Variants in ZMAT3 observed in about 807,000 individuals in gnomAD.
ZMAT3 encodes zinc finger matrin-type protein 3.
A neutral mutation model predicts 32.3 loss-of-function variants in ZMAT3; 17 were observed. That is an observed-to-expected ratio of 0.53 (90% CI 0.36 to 0.79). ZMAT3 has a LOEUF of 0.79. Ranked by LOEUF, ZMAT3 falls within the 30% of genes least tolerant of loss-of-function variation. The pLI is 0.00. For missense variants in ZMAT3, 329 were observed against 359.7 expected (o/e 0.91, Z 0.69); for synonymous variants, 120 against 133.1 (o/e 0.90, Z 0.68).
At chr3:179,034,900 A>G (rs1209196469) in intron 2 of ZMAT3, among the ~76,000 whole-genome samples, 1 of 152,220 alleles carries the variant, frequency 6.6e-6, no homozygotes, top group African/African-American at 2.4e-5. Flanking sequence ...CTCCATGGAT[A>G]CTACAAATAC....
intron 2 of ZMAT3, among the ~76,000 whole-genome samples, chr3:179,051,777 A>G (rs183200667): frequency 1.2e-4 from 18 of 152,356 alleles, no homozygotes; most frequent in East Asian, 1.2e-3. Context: ...ACTTCAAACT[A>G]TAGCATACGG....
At chr3:179,042,615 T>A (rs1720013717) in intron 2 of ZMAT3, among the ~76,000 whole-genome samples, 1 of 152,164 alleles carries the variant, frequency 6.6e-6, no homozygotes, top group Non-Finnish European at 1.5e-5. Context: ...ACAGCCAATA[T>A]CACACTGAAT....
intron 1 of ZMAT3, chr3:179,071,234 G>A (rs1329058015): frequency 2.0e-5 from 3 of 152,190 alleles, no homozygotes; most frequent in Non-Finnish European, 4.4e-5. Context: ...ACTGTTTACA[G>A]ATTTGAATCA....
intron 2 of ZMAT3, among the ~76,000 whole-genome samples, chr3:179,037,077 T>C (rs183370519): frequency 7.9e-5 from 12 of 152,286 alleles, no homozygotes; most frequent in African/African-American, 2.4e-4. Flanking sequence ...TTTCCTTCTA[T>C]TGCTCAATGA....
chr3:179,035,775 A>G (rs550647250), intron 2 of ZMAT3, among the ~76,000 whole-genome samples: 1 of 152,374 alleles, frequency 6.6e-6, no homozygotes, highest in Admixed American at 6.5e-5. Context: ...AATGAAGATA[A>G]TAAACTGCTA....
At chr3:179,066,918 G>A (rs184276731) in intron 2 of ZMAT3, among the ~76,000 whole-genome samples, 5 of 152,224 alleles carry the variant, frequency 3.3e-5, no homozygotes, top group Non-Finnish European at 1.5e-5. Flanking sequence ...TGAAGGATAG[G>A]GCTCAATATT....
chr3:179,047,731 C>T (rs933611886), intron 2 of ZMAT3, among the ~76,000 whole-genome samples: 8 of 151,476 alleles, frequency 5.3e-5, no homozygotes, highest in South Asian at 2.1e-4. Context: ...TGGTGGTGCT[C>T]GCCTATAGTC....
chr3:179,070,382 C>T (rs1481023972), intron 1 of ZMAT3, among the ~76,000 whole-genome samples: 2 of 152,204 alleles, frequency 1.3e-5, no homozygotes, highest in African/African-American at 2.4e-5. Context: ...CAGATTTACC[C>T]ATTATCACAT....
At chr3:179,068,507 G>A (rs1232981230) in intron 1 of ZMAT3, among the ~76,000 whole-genome samples, 3 of 147,902 alleles carry the variant, frequency 2.0e-5, no homozygotes, top group Non-Finnish European at 3.0e-5. Flanking sequence ...GCAAGACTGT[G>A]ACTCAAAAAA....
intron 2 of ZMAT3, among the ~76,000 whole-genome samples, chr3:179,040,188 C>A (rs1046138063): frequency 6.6e-6 from 1 of 152,140 alleles, no homozygotes; most frequent in Non-Finnish European, 1.5e-5. Context: ...ACTTCCCCAA[C>A]CTAGCAAGGC....
chr3:179,022,904 C>G lies in ZMAT3; in HGVS notation c.*2113G>C, dbSNP rs1718622950. 6.6e-6 allele frequency: 1 copy of G among 152,084 alleles called. No individual in the cohort carries two copies. Among genetic ancestry groups the G allele is most frequent in the South Asian group, 2.1e-4 (1 of 4,830 alleles). 9.4% of individuals were successfully genotyped at this position (152,084 alleles called of 1,614,324 possible). The stretch of plus-strand genomic sequence containing the variant: ...AAGAAGAATGATTGTAATTTGCCTT[C>G]CCCAATTTTTTTTGCCTACAGAATT... On this transcript the variant is annotated 3_prime_UTR_variant, in exon 6 of 6. Transcript: ENST00000311417.
Position 179,053,290 on chromosome 3 carries a change from TATAG to T in ZMAT3, c.270+14189_270+14192del, listed in dbSNP as rs201871171. On this transcript the variant is annotated intron_variant, in intron 2 of 5. Coordinates refer to ENST00000311417, the MANE Select transcript of ZMAT3 (RefSeq NM_022470.4). ...TATAGAGATAATTTATATCTATAGATATAGATATAGAATATCTATAAAATTAGAA... is the reference window on the plus strand; with the variant it reads ...TATAGAGATAATTTATATCTATAGATATATAGAATATCTATAAAATTAGAA... 1.0e-3 allele frequency among the ~76,000 whole-genome samples: 154 copies of T among 148,608 alleles called. 3 individuals carry two copies. In the East Asian group the frequency reaches 0.025, roughly 24 times the overall value.
intron 2 of ZMAT3, among the ~76,000 whole-genome samples, chr3:179,053,028 T>C (rs1720650412): frequency 6.6e-6 from 1 of 151,962 alleles, no homozygotes; most frequent in Non-Finnish European, 1.5e-5. Flanking sequence ...CTCAGGAGGC[T>C]AAGGCAGGAG....
At chr3:179,029,292 A>G (rs1488635516) in intron 3 of ZMAT3, among the ~76,000 whole-genome samples, 1 of 152,130 alleles carries the variant, frequency 6.6e-6, no homozygotes, top group African/African-American at 2.4e-5. Context: ...ATGGACACCA[A>G]TTTGAGTAAT....
At chr3:179,058,242 G>A (rs144195246) in intron 2 of ZMAT3, among the ~76,000 whole-genome samples, 27 of 152,312 alleles carry the variant, frequency 1.8e-4, no homozygotes, top group African/African-American at 5.8e-4. Context: ...TCAGACAACC[G>A]TTTACTTAAA....
intron 2 of ZMAT3, among the ~76,000 whole-genome samples, chr3:179,060,823 G>GA (rs553956554): frequency 1.3e-5 from 2 of 150,572 alleles, no homozygotes; most frequent in African/African-American, 2.4e-5. Flanking sequence ...GCTTCCAGGG[G>GA]AAAAAAAAGA....
chr3:179,031,255 G>A (rs1263532387), intron 2 of ZMAT3, among the ~76,000 whole-genome samples: 3 of 147,900 alleles, frequency 2.0e-5, no homozygotes, highest in Non-Finnish European at 3.0e-5. Flanking sequence ...AAAAAAAAAC[G>A]CATATAGAAG....
At chr3:179,058,136 T>C (rs1402553244) in intron 2 of ZMAT3, among the ~76,000 whole-genome samples, 1 of 152,184 alleles carries the variant, frequency 6.6e-6, no homozygotes, top group East Asian at 1.9e-4. Context: ...GCAGTAGCAG[T>C]CTTAGTATCT....
At chr3:179,052,328 C>T (rs369117268) in intron 2 of ZMAT3, among the ~76,000 whole-genome samples, 27 of 152,066 alleles carry the variant, frequency 1.8e-4, no homozygotes, top group African/African-American at 6.5e-4. Context: ...CAAAAAGTGG[C>T]CTAAGGCCAT....
Sources: allele counts gnomAD v4.1 joint callset (sites outside exome capture counted in the v4.1 genomes callset), GRCh38; gene constraint gnomAD v4.1.1; transcripts MANE v1.5; gene names NCBI Gene and HGNC (gene_info 2026-07-23, HGNC 2026-07-21).